The following ME3 variants were observed in gnomAD, a reference collection of about 807,000 sequenced individuals.
The protein encoded by ME3 is malic enzyme 3, also known as NADP-dependent malic enzyme, mitochondrial.
ME3 carries 48 observed loss-of-function variants against 68.9 expected under a neutral mutation model. That is an observed-to-expected ratio of 0.70 (90% CI 0.55 to 0.89). ME3 has a LOEUF of 0.89. Ranked by LOEUF, ME3 falls within the 40% of genes least tolerant of loss-of-function variation. ME3 has a pLI of 0.00. For synonymous variants in ME3, 320 were observed against 318.8 expected (o/e 1.00, Z -0.04); for missense variants, 675 against 797.4 (o/e 0.85, Z 1.85).
rs556452588 is a variant in ME3, at chr11:86,498,213, G to A, written c.544-89C>T. On this transcript the variant is annotated intron_variant, in intron 5 of 14. Coordinates refer to ENST00000543262, the Ensembl canonical transcript of ME3. Reference sequence around the variant, plus strand: ...GCAGCCCCAGCCCATCAGGCTTGGCGACTGGATGCCCACTGACTTTGCCGG... The same window carrying A: ...GCAGCCCCAGCCCATCAGGCTTGGCAACTGGATGCCCACTGACTTTGCCGG... 1.2e-5 allele frequency: 17 copies of A among 1,443,180 alleles called. No homozygotes were observed. The Admixed American group carries it at 1.3e-4, about 11-fold the overall frequency. The allele number at this position is 1,443,180 out of a possible 1,614,324, so 89.4% of individuals were successfully genotyped here. A position where few individuals can be genotyped will look rare whatever the true frequency, so the allele number is the denominator to read the frequency against.
chr11:86,501,651 C>G (rs781706070), intron 5 of ME3, among the ~76,000 whole-genome samples: 8 of 152,278 alleles, frequency 5.3e-5, no homozygotes, highest in Non-Finnish European at 1.0e-4. Context: ...CCTCTTTTCC[C>G]TCTTACTCCT....
intron 7 of ME3, among the ~76,000 whole-genome samples, chr11:86,467,683 TCTCTCTCTCTCACACACA>T (rs1320076601): frequency 1.6e-5 from 2 of 128,036 alleles, no homozygotes; most frequent in South Asian, 2.7e-4. Context: ...TCTCTCTCTC[TCTCTCTCTCTCACACACA>T]CACACACACA....
Position 86,534,568 on chromosome 11 carries a change from G to A in ME3, c.467+21985C>T, listed in dbSNP as rs541742153. On this transcript the variant is annotated intron_variant, in intron 4 of 14. Coordinates refer to ENST00000543262, the Ensembl canonical transcript of ME3. The stretch of plus-strand genomic sequence containing the variant: ...CGCATGCCTGTAATCCCAGCTACTC[G>A]GGAGACTGAGGCAGGAGAACTGCTT... Among the ~76,000 whole-genome samples, 281 of 152,106 alleles carry A rather than the reference G, an allele frequency of 1.8e-3. 1 individual carries two copies. The highest frequency in any genetic ancestry group is 3.3e-3 in the South Asian group (16 of 4,808).
At chr11:86,438,678 G>T (rs539807892), downstream of ME3, among the ~76,000 whole-genome samples, 3 of 152,056 alleles carry the variant, frequency 2.0e-5, no homozygotes, top group Admixed American at 6.5e-5. Flanking sequence ...TCTAATCTTT[G>T]CTTGCTTTGA....
At chr11:86,481,017 G>A (rs761561440) in intron 7 of ME3, among the ~76,000 whole-genome samples, 33 of 152,026 alleles carry the variant, frequency 2.2e-4, no homozygotes, top group Admixed American at 4.6e-4. Context: ...TGCCTCTTCT[G>A]GGGATGTGGT....
chr11:86,469,107 A>G (rs1249012768), intron 7 of ME3, among the ~76,000 whole-genome samples: 1 of 152,122 alleles, frequency 6.6e-6, no homozygotes. Context: ...TTCTTTCTCC[A>G]TTGGGAAAGA....
chr11:86,576,415 C>G (rs1029491203), intron 2 of ME3, among the ~76,000 whole-genome samples: 2 of 152,144 alleles, frequency 1.3e-5, no homozygotes, highest in South Asian at 4.1e-4. Flanking sequence ...GTGTCCATCC[C>G]CAGCACCCAG....
rs1163128094 is a variant in ME3, at chr11:86,471,141, C to CTTTTTTTTTTTTTTTTTTTTTTTTT, written c.810-5966_810-5942dup. Among the ~76,000 whole-genome samples, 4 of 75,036 alleles carry CTTTTTTTTTTTTTTTTTTTTTTTTT rather than the reference C, an allele frequency of 5.3e-5. 2 individuals are homozygous for CTTTTTTTTTTTTTTTTTTTTTTTTT. The highest frequency in any genetic ancestry group is 1.3e-4 in the African/African-American group (2 of 15,930). 49.2% of individuals were successfully genotyped at this position (75,036 alleles called of 152,430 possible). On this transcript the variant is annotated intron_variant, in intron 7 of 14. Coordinates refer to ENST00000543262, the Ensembl canonical transcript of ME3. ...CCTACTTAAACTGTAAGGCCCAGAG[C>CTTTTTTTTTTTTTTTTTTTTTTTTT]TTTTTTTTTTTTTTTTTTTTTTTTT...
intron 4 of ME3, among the ~76,000 whole-genome samples, chr11:86,515,784 C>G (rs977260742): frequency 2.0e-5 from 3 of 152,148 alleles, no homozygotes; most frequent in Admixed American, 6.5e-5. Flanking sequence ...TCAATCTTCT[C>G]TCCTTGAGAA....
At chr11:86,508,805 T>C (rs1034472250) in exon 5 of ME3, 4 of 1,612,190 alleles carry the variant, frequency 2.5e-6, no homozygotes, top group Non-Finnish European at 3.4e-6. Context: ...AATATTGTCT[T>C]CTGGCCAAGA....
At chr11:86,590,444 C>T (rs932096726) in intron 2 of ME3, among the ~76,000 whole-genome samples, 6 of 152,176 alleles carry the variant, frequency 3.9e-5, no homozygotes, top group Admixed American at 6.5e-5. Context: ...GATCTCCCTG[C>T]GGGCTGGGAG....
chr11:86,450,470 G>T, intron 8 of ME3, 72 bp from the exon 9 acceptor site: 2 of 1,300,740 alleles, frequency 1.5e-6, no homozygotes, highest in Non-Finnish European at 2.2e-6. Flanking sequence ...CCTTGGCAGA[G>T]TTCCCCACAT....
chr11:86,597,160 T>C (rs1959626723), intron 2 of ME3, among the ~76,000 whole-genome samples: 1 of 152,214 alleles, frequency 6.6e-6, no homozygotes, highest in African/African-American at 2.4e-5. Flanking sequence ...GCAGCAGGAC[T>C]CCACTTCATA....
At chr11:86,667,396 G>A (rs1946649343) in intron 2 of ME3, among the ~76,000 whole-genome samples, 1 of 152,184 alleles carries the variant, frequency 6.6e-6, no homozygotes, top group Non-Finnish European at 1.5e-5. Context: ...CTGGGAAGAT[G>A]AGAGTCAAGC....
At chr11:86,508,747 G>T in intron 5 of ME3, 45 bp downstream of exon 5, 3 of 1,522,034 alleles carry the variant, frequency 2.0e-6, no homozygotes, top group South Asian at 2.2e-5. Flanking sequence ...AGGCTGAAAT[G>T]ATTCACCCAA....
At chr11:86,654,834 A>T (rs1023862768) in intron 2 of ME3, among the ~76,000 whole-genome samples, 2 of 152,150 alleles carry the variant, frequency 1.3e-5, no homozygotes, top group African/African-American at 4.8e-5. Flanking sequence ...ACATGATTGT[A>T]TATCTAGAAA....
intron 2 of ME3, among the ~76,000 whole-genome samples, chr11:86,596,695 A>G (rs776566137): frequency 1.3e-5 from 2 of 152,232 alleles, no homozygotes; most frequent in Non-Finnish European, 2.9e-5. Context: ...TTATAGATAA[A>G]GAAACTGAAA....
At chr11:86,513,297 AAC>A (rs1231883240) in intron 4 of ME3, among the ~76,000 whole-genome samples, 2 of 152,206 alleles carry the variant, frequency 1.3e-5, no homozygotes, top group Non-Finnish European at 1.5e-5. Context: ...CTGCAAAAAT[AAC>A]ACCTTTTGAA....
intron 2 of ME3, among the ~76,000 whole-genome samples, chr11:86,629,231 T>C (rs1943860660): frequency 6.6e-6 from 1 of 152,350 alleles, no homozygotes; most frequent in Admixed American, 6.5e-5. Flanking sequence ...CCTGAACTTG[T>C]ATTCCTTCGT....
Sources: gnomAD v4.1 joint callset for allele counts (sites outside exome capture counted in the v4.1 genomes callset) on GRCh38, gnomAD v4.1.1 for gene constraint, MANE v1.5 for transcripts, NCBI Gene and HGNC (gene_info 2026-07-23, HGNC 2026-07-21) for gene names.